TCF7L2: variants seen among roughly 807,000 people sequenced by gnomAD.
TCF7L2 encodes the protein transcription factor 7-like 2.
In TCF7L2, 23 loss-of-function variants were observed where a neutral mutation model predicts 77.9. The ratio of observed to expected loss-of-function variants is 0.30; its 90% CI spans 0.21 to 0.42. TCF7L2 has a LOEUF of 0.42. TCF7L2 is among the 10% of genes least tolerant of loss of function. The pLI, the probability that TCF7L2 is intolerant of heterozygous loss-of-function variation, is 1.00. For missense variants in TCF7L2, 654 were observed against 793.1 expected (o/e 0.82, Z 2.11); for synonymous variants, 413 against 340.2 (o/e 1.21, Z -2.36).
intron 4 of TCF7L2, among the ~76,000 whole-genome samples, chr10:113,004,137 C>T (rs1056533342): frequency 3.9e-5 from 6 of 152,028 alleles, no homozygotes; most frequent in South Asian, 4.2e-4. Flanking sequence ...GAAGAGAGGG[C>T]GGACTTTTTA....
At chr10:113,061,023 A>G (rs2056355594) in intron 5 of TCF7L2, among the ~76,000 whole-genome samples, 1 of 152,196 alleles carries the variant, frequency 6.6e-6, no homozygotes, top group Admixed American at 6.5e-5. Flanking sequence ...CACAGATACA[A>G]GAGGTCTTGG....
At chr10:113,063,221 T>G (rs1483793924) in intron 5 of TCF7L2, among the ~76,000 whole-genome samples, 6 of 152,304 alleles carry the variant, frequency 3.9e-5, no homozygotes, top group African/African-American at 1.2e-4. Flanking sequence ...ATATGTCTTA[T>G]ATCCTTGGAG....
intron 5 of TCF7L2, among the ~76,000 whole-genome samples, chr10:113,083,733 T>G (rs984093711): frequency 6.6e-6 from 1 of 152,246 alleles, no homozygotes; most frequent in Non-Finnish European, 1.5e-5. Context: ...GGATGTTACC[T>G]TCTCACCAAT....
intron 4 of TCF7L2, among the ~76,000 whole-genome samples, chr10:113,003,982 A>C (rs1323017010): frequency 6.6e-6 from 1 of 152,198 alleles, no homozygotes; most frequent in Admixed American, 6.5e-5. Context: ...GGTACCCTTG[A>C]GGCTGGGAGA....
chr10:113,055,340 C>T (rs559345781), intron 5 of TCF7L2, among the ~76,000 whole-genome samples: 12 of 152,268 alleles, frequency 7.9e-5, no homozygotes, highest in African/African-American at 2.2e-4. Context: ...GGCATCTTAC[C>T]TAATTTGCCT....
At chr10:113,025,880 ATT>A (rs369613114) in intron 4 of TCF7L2, among the ~76,000 whole-genome samples, 5 of 143,520 alleles carry the variant, frequency 3.5e-5, no homozygotes, top group Admixed American at 7.0e-5. Context: ...TTTTAAGTTA[ATT>A]TTTTTTTTTT....
At chr10:113,044,587 G>A (rs146259135) in intron 5 of TCF7L2, among the ~76,000 whole-genome samples, 1 of 152,210 alleles carries the variant, frequency 6.6e-6, no homozygotes, top group African/African-American at 2.4e-5. Context: ...AAAGAGTAGG[G>A]GGCCCATGAG....
chr10:113,059,335 C>T (rs1421814535), intron 5 of TCF7L2, among the ~76,000 whole-genome samples: 2 of 151,456 alleles, frequency 1.3e-5, no homozygotes, highest in African/African-American at 4.9e-5. Context: ...TTGTTCAGGT[C>T]CTCCTCCCAC....
chr10:113,164,933 C>G (rs2073850796), intron 13 of TCF7L2, among the ~76,000 whole-genome samples: 1 of 152,106 alleles, frequency 6.6e-6, no homozygotes, highest in Admixed American at 6.5e-5. Context: ...GTGTTAAAAC[C>G]TTTAAGCCTC....
At chr10:113,160,754 G>T in intron 13 of TCF7L2, 1 of 1,460,268 alleles carries the variant, frequency 6.8e-7, no homozygotes. Context: ...GTACCTTAGC[G>T]TGATAATTTA....
chr10:112,974,125 G>A (rs532941106), intron 4 of TCF7L2, among the ~76,000 whole-genome samples: 1 of 152,206 alleles, frequency 6.6e-6, no homozygotes, highest in Non-Finnish European at 1.5e-5. Context: ...ATAGCAATTG[G>A]ATTACATTGG....
chr10:113,112,383 C>T (rs185244864), intron 5 of TCF7L2, among the ~76,000 whole-genome samples: 2 of 152,326 alleles, frequency 1.3e-5, no homozygotes, highest in East Asian at 3.9e-4. Flanking sequence ...CACTTCTCTT[C>T]CCTGGCATGC....
chr10:113,129,684 G>T lies in TCF7L2; in HGVS notation c.553-11500G>T, dbSNP rs1003481149. On this transcript the variant is annotated intron_variant, in intron 5 of 13. Transcript: ENST00000627217. Reference sequence around the variant, plus strand: ...TCGGCCAGGAATCTGGAGCCATTTCGATCTTTTTAGATGCTTTTTTTCAGT... The same window carrying T: ...TCGGCCAGGAATCTGGAGCCATTTCTATCTTTTTAGATGCTTTTTTTCAGT... 11 of 1,190,640 alleles carry T rather than the reference G, an allele frequency of 9.2e-6. No individual in the cohort carries two copies. In the South Asian group the frequency reaches 1.4e-4, roughly 15 times the overall value. The allele number at this position is 1,190,640 out of a possible 1,614,324, so 73.8% of individuals were successfully genotyped here.
intron 4 of TCF7L2, among the ~76,000 whole-genome samples, chr10:112,985,260 A>G (rs1317886926): frequency 6.6e-6 from 1 of 152,096 alleles, no homozygotes; most frequent in African/African-American, 2.4e-5. Flanking sequence ...TCAAACTTCC[A>G]TCTCTTCTGG....
At chr10:112,995,129 T>A (rs2043230875) in intron 4 of TCF7L2, among the ~76,000 whole-genome samples, 1 of 152,100 alleles carries the variant, frequency 6.6e-6, no homozygotes, top group Non-Finnish European at 1.5e-5. Flanking sequence ...AAGGCTGTCA[T>A]GTTAGATCCA....
intron 5 of TCF7L2, among the ~76,000 whole-genome samples, chr10:113,100,198 A>G (rs1467005353): frequency 6.6e-6 from 1 of 152,198 alleles, no homozygotes; most frequent in African/African-American, 2.4e-5. Flanking sequence ...CACACTATAA[A>G]CAAAGCATCC....
At chr10:113,023,545 C>T (rs2048581535) in intron 4 of TCF7L2, among the ~76,000 whole-genome samples, 1 of 152,234 alleles carries the variant, frequency 6.6e-6, no homozygotes, top group Non-Finnish European at 1.5e-5. Flanking sequence ...GATCTCAGCT[C>T]ACTGCAACCT....
At chr10:113,087,906 G>T (rs2059992463) in intron 5 of TCF7L2, among the ~76,000 whole-genome samples, 1 of 152,202 alleles carries the variant, frequency 6.6e-6, no homozygotes. Context: ...CTGCTCTAAA[G>T]ATGTGGCTGC....
At chr10:113,036,514 T>G (rs150414988) in intron 4 of TCF7L2, among the ~76,000 whole-genome samples, 2,114 of 152,224 alleles carry the variant, frequency 0.014, 27 homozygotes, top group Non-Finnish European at 0.021. Flanking sequence ...GCCATTGGTG[T>G]TGTATATATT....
Sources: allele counts gnomAD v4.1 joint callset (sites outside exome capture counted in the v4.1 genomes callset), GRCh38; gene constraint gnomAD v4.1.1; transcripts MANE v1.5; gene names NCBI Gene and HGNC (gene_info 2026-07-23, HGNC 2026-07-21).